The following MMP16 variants were observed in gnomAD, a reference collection of about 807,000 sequenced individuals.
MMP16 encodes matrix metalloproteinase-16.
Under a neutral mutation model 67.8 loss-of-function variants are expected in MMP16, and 12 were observed. The ratio of observed to expected loss-of-function variants is 0.18; its 90% CI spans 0.11 to 0.29. The LOEUF (loss-of-function observed/expected upper bound fraction) is 0.29, where lower values mean the gene tolerates loss of function less well. Among genes scored for constraint, MMP16 ranks in the 10% least tolerant of loss-of-function variants. MMP16 has a pLI of 1.00. For missense variants in MMP16, 475 were observed against 765.7 expected, an observed-to-expected ratio of 0.62 and a Z score of 4.48; for synonymous variants, 249 against 255.9, an observed-to-expected ratio of 0.97 and a Z score of 0.26.
intron 7 of MMP16, among the ~76,000 whole-genome samples, chr8:88,059,832 C>A (rs755315544): frequency 5.4e-4 from 82 of 151,656 alleles, no homozygotes; most frequent in Admixed American, 9.9e-4. Flanking sequence ...CCAGAGAACA[C>A]CGAGAGATTT....
intron 4 of MMP16, among the ~76,000 whole-genome samples, chr8:88,160,592 C>A (rs186950553): frequency 6.6e-6 from 1 of 152,206 alleles, no homozygotes; most frequent in African/African-American, 2.4e-5. Context: ...GATACCACCT[C>A]GCACCAGTTA....
intron 1 of MMP16, among the ~76,000 whole-genome samples, chr8:88,281,544 C>T (rs755290889): frequency 6.6e-6 from 1 of 152,178 alleles, no homozygotes; most frequent in Non-Finnish European, 1.5e-5. Flanking sequence ...AAATTAAAAT[C>T]CAGGCCTAAT....
intron 4 of MMP16, among the ~76,000 whole-genome samples, chr8:88,139,546 G>GTATT (rs1563543351): frequency 6.6e-6 from 1 of 152,056 alleles, no homozygotes. Context: ...CACAGTCTAC[G>GTATT]TATTTATTGA....
chr8:88,209,060 C>T (rs983287433), intron 1 of MMP16, among the ~76,000 whole-genome samples: 2 of 152,094 alleles, frequency 1.3e-5, no homozygotes, highest in African/African-American at 2.4e-5. Context: ...TTATTCAAAA[C>T]TATGGGCTTT....
At chr8:88,166,907 A>G (rs1265592236) in intron 4 of MMP16, among the ~76,000 whole-genome samples, 1 of 151,648 alleles carries the variant, frequency 6.6e-6, no homozygotes, top group Non-Finnish European at 1.5e-5. Context: ...ATAATAGAAT[A>G]GAAACTAGGC....
At chr8:88,057,869 C>T (rs1808350710) in intron 7 of MMP16, among the ~76,000 whole-genome samples, 1 of 152,100 alleles carries the variant, frequency 6.6e-6, no homozygotes. Flanking sequence ...AACCTGATCG[C>T]TACCCTGATC....
At chr8:88,286,259 C>T (rs1004276198) in intron 1 of MMP16, among the ~76,000 whole-genome samples, 1 of 152,110 alleles carries the variant, frequency 6.6e-6, no homozygotes, top group Non-Finnish European at 1.5e-5. Flanking sequence ...GTAAGAATCT[C>T]AGAAGACTCT....
intron 4 of MMP16, among the ~76,000 whole-genome samples, chr8:88,163,117 G>T (rs896321547): frequency 1.3e-5 from 2 of 152,058 alleles, no homozygotes; most frequent in African/African-American, 4.8e-5. Flanking sequence ...TAAACCTGCT[G>T]AAGGCTTAGG....
chr8:88,267,248 C>T (rs1219115131), intron 1 of MMP16, among the ~76,000 whole-genome samples: 1 of 152,144 alleles, frequency 6.6e-6, no homozygotes, highest in Non-Finnish European at 1.5e-5. Flanking sequence ...CATCCATTGC[C>T]ATTTTACAGT....
intron 6 of MMP16, among the ~76,000 whole-genome samples, chr8:88,107,218 A>T (rs1479197498): frequency 1.3e-5 from 2 of 151,166 alleles, no homozygotes; most frequent in Admixed American, 1.3e-4. Context: ...GTATTTTTAT[A>T]CATTTACATT....
chr8:88,235,425 C>T (rs1428039282), intron 1 of MMP16, among the ~76,000 whole-genome samples: 2 of 148,346 alleles, frequency 1.3e-5, no homozygotes, highest in Non-Finnish European at 3.0e-5. Context: ...TAGGAGAAAA[C>T]ATGGTATTAT....
At chr8:88,240,691 C>G (rs984860650) in intron 1 of MMP16, among the ~76,000 whole-genome samples, 2 of 152,064 alleles carry the variant, frequency 1.3e-5, no homozygotes, top group Non-Finnish European at 2.9e-5. Flanking sequence ...CAACAGTGAT[C>G]TGGAAATTGT....
At chr8:88,109,598 C>T (rs995578530) in intron 6 of MMP16, among the ~76,000 whole-genome samples, 3 of 151,132 alleles carry the variant, frequency 2.0e-5, no homozygotes, top group Non-Finnish European at 3.0e-5. Context: ...TTCACAAATG[C>T]CAAATTTGAA....
At chr8:88,064,606 G>C (rs1393576683) in intron 7 of MMP16, among the ~76,000 whole-genome samples, 3 of 152,012 alleles carry the variant, frequency 2.0e-5, no homozygotes, top group African/African-American at 7.2e-5. Context: ...AGGTGCCTCA[G>C]GCTGTCCCAA....
intron 1 of MMP16, among the ~76,000 whole-genome samples, chr8:88,253,497 G>T (rs1810257072): frequency 6.6e-6 from 1 of 151,968 alleles, no homozygotes; most frequent in Non-Finnish European, 1.5e-5. Flanking sequence ...GTCCTCTGTG[G>T]TCTTCCTTCC....
At chr8:88,303,476 T>G (rs1305388361) in intron 1 of MMP16, among the ~76,000 whole-genome samples, 1 of 152,200 alleles carries the variant, frequency 6.6e-6, no homozygotes, top group African/African-American at 2.4e-5. Flanking sequence ...ACTGCTTCTT[T>G]AAGTGGGTCC....
chr8:88,046,566 T>C (rs560597050), intron 9 of MMP16, 103 bp downstream of exon 9: 53 of 607,088 alleles, frequency 8.7e-5, no homozygotes, highest in Middle Eastern at 7.5e-4. Flanking sequence ...ATTACATAGC[T>C]CTAGTATAGC....
chr8:88,290,013 C>T (rs1810898099), intron 1 of MMP16, among the ~76,000 whole-genome samples: 1 of 152,108 alleles, frequency 6.6e-6, no homozygotes. Context: ...TAACTGGGAA[C>T]ATGCCTACTG....
intron 1 of MMP16, among the ~76,000 whole-genome samples, chr8:88,325,046 T>C (rs1034187611): frequency 1.3e-5 from 2 of 152,220 alleles, no homozygotes; most frequent in South Asian, 2.1e-4. Context: ...ACATGACTTA[T>C]CTGTCAGGCT....
Sources: allele counts gnomAD v4.1 joint callset (sites outside exome capture counted in the v4.1 genomes callset), GRCh38; gene constraint gnomAD v4.1.1; transcripts MANE v1.5; gene names NCBI Gene and HGNC (gene_info 2026-07-23, HGNC 2026-07-21).